The following RGPD2 variants were observed in gnomAD, a reference collection of about 807,000 sequenced individuals.
The protein encoded by RGPD2 is RANBP2-like and GRIP domain-containing protein 2.
A neutral mutation model predicts 36.0 loss-of-function variants in RGPD2; 2 were observed. The observed-to-expected ratio is 0.06, with a 90% confidence interval of 0.02 to 0.17. The LOEUF is 0.17. Among genes scored for constraint, RGPD2 ranks in the 10% least tolerant of loss-of-function variants. The pLI is 1.00. For synonymous variants in RGPD2, 19 were observed against 163.8 expected, an observed-to-expected ratio of 0.12 and a Z score of 6.75; for missense variants, 40 against 464.3, an observed-to-expected ratio of 0.09 and a Z score of 8.40.
the RGPD2 span, among the ~76,000 whole-genome samples, chr2:87,965,091 C>G: frequency 7.0e-6 from 1 of 142,336 alleles, no homozygotes; most frequent in Non-Finnish European, 1.6e-5. Flanking sequence ...TATCTCAAAA[C>G]TTGGCCTTCG....
chr2:87,947,533 C>T, the RGPD2 span, among the ~76,000 whole-genome samples: 78 of 152,250 alleles, frequency 5.1e-4, no homozygotes, highest in Admixed American at 8.5e-4. Context: ...GTGTTTTCTT[C>T]CCCAAGAAAG....
At chr2:87,857,477 G>A in the RGPD2 span, among the ~76,000 whole-genome samples, 1 of 151,314 alleles carries the variant, frequency 6.6e-6, no homozygotes, top group Non-Finnish European at 1.5e-5. Flanking sequence ...TGAGTAGCTG[G>A]GACTACAGGC....
At chr2:87,824,466 G>A (rs1192759030) in intron 1 of RGPD2, among the ~76,000 whole-genome samples, 1 of 151,950 alleles carries the variant, frequency 6.6e-6, no homozygotes, top group Non-Finnish European at 1.5e-5. Flanking sequence ...CAAACTGGGG[G>A]AGAATACTAA....
In RGPD2 at chr2:87,825,758, G is replaced by C. The variant is rs757125406; in HGVS notation, c.-29C>G. 50 of 1,578,790 alleles carry C rather than the reference G, an allele frequency of 3.2e-5. No homozygotes were observed. The highest frequency in any genetic ancestry group is 4.0e-5 in the Non-Finnish European group (47 of 1,162,546). On this transcript the variant is annotated 5_prime_UTR_variant, in exon 1 of 23. Transcript: ENST00000398146. ...ACCGCCAACCTGGCTCCCGAGACGC[G>C]TGAAACCAGCGCTCAGCCCCGCAGC...
chr2:87,951,349 G>A, the RGPD2 span, among the ~76,000 whole-genome samples: 11 of 151,344 alleles, frequency 7.3e-5, no homozygotes, highest in African/African-American at 2.7e-4. Context: ...CTAATTATTA[G>A]AACAAGAAAG....
chr2:87,759,068 G>A (rs1684836984), intron 22 of RGPD2, among the ~76,000 whole-genome samples: 1 of 140,596 alleles, frequency 7.1e-6, no homozygotes, highest in African/African-American at 2.5e-5. Flanking sequence ...CCAGGCTAGA[G>A]TGCAATGGTG....
chr2:87,869,944 T>C, the RGPD2 span, among the ~76,000 whole-genome samples: 2 of 152,280 alleles, frequency 1.3e-5, no homozygotes, highest in East Asian at 1.9e-4. Context: ...TCCCCTCTGA[T>C]TTGTTTCTTT....
chr2:87,864,662 G>A, the RGPD2 span, among the ~76,000 whole-genome samples: 6 of 152,406 alleles, frequency 3.9e-5, no homozygotes, highest in South Asian at 2.1e-4. Context: ...TAGATAGATC[G>A]ATCTTCTCTT....
chr2:87,823,795 C>T (rs1315488072), intron 1 of RGPD2, among the ~76,000 whole-genome samples: 1 of 145,248 alleles, frequency 6.9e-6, no homozygotes, highest in African/African-American at 2.7e-5. Context: ...CCTAAGTACT[C>T]AGGCAACAGA....
rs558555737 is a variant in RGPD2 at position 87,815,111 on chromosome 2, T to C, written c.402+1158A>G. The stretch of plus-strand genomic sequence containing the variant: ...TAGCTCTGTATCTTGACAGTAGTGG[T>C]GGTATGAATCTACACATGATAAAAT... On this transcript the variant is annotated intron_variant, in intron 4 of 22. Transcript: ENST00000398146. 1.3e-4 allele frequency among the ~76,000 whole-genome samples: 19 copies of C among 144,736 alleles called. No homozygotes were observed. In the East Asian group the frequency reaches 3.6e-3, roughly 28 times the overall value. 95.0% of individuals were successfully genotyped at this position (144,736 alleles called of 152,430 possible).
chr2:87,872,341 AT>A, the RGPD2 span, among the ~76,000 whole-genome samples: 15 of 152,288 alleles, frequency 9.8e-5, no homozygotes, highest in Non-Finnish European at 1.8e-4. Context: ...CAAGGGGAAA[AT>A]CACACAAAAG....
At chr2:87,964,778 C>T in the RGPD2 span, among the ~76,000 whole-genome samples, 2 of 129,850 alleles carry the variant, frequency 1.5e-5, no homozygotes, top group East Asian at 5.0e-4. Context: ...GGCCTTAAAG[C>T]ATGACAAAAT....
the RGPD2 span, among the ~76,000 whole-genome samples, chr2:87,845,654 A>T: frequency 6.6e-6 from 1 of 151,226 alleles, no homozygotes; most frequent in Non-Finnish European, 1.5e-5. Flanking sequence ...AGCAAAATAT[A>T]AATCTTAGTT....
the RGPD2 span, among the ~76,000 whole-genome samples, chr2:87,882,837 T>G: frequency 6.6e-6 from 1 of 152,250 alleles, no homozygotes; most frequent in African/African-American, 2.4e-5. Context: ...TATAAATATT[T>G]TTATTGTATT....
chr2:87,843,162 A>G, the RGPD2 span, among the ~76,000 whole-genome samples: 2 of 142,086 alleles, frequency 1.4e-5, no homozygotes, highest in Non-Finnish European at 3.1e-5. Context: ...CAAGGACTTC[A>G]TGTCTAAAAC....
intron 20 of RGPD2, among the ~76,000 whole-genome samples, chr2:87,775,812 TTCA>T (rs1433008358): frequency 3.3e-4 from 12 of 36,418 alleles, no homozygotes; most frequent in African/African-American, 8.6e-4. Flanking sequence ...TTAGCATTAC[TTCA>T]TCAAGAGGAA....
chr2:87,920,209 C>G, the RGPD2 span, among the ~76,000 whole-genome samples: 31 of 152,044 alleles, frequency 2.0e-4, no homozygotes, highest in Admixed American at 9.2e-4. Flanking sequence ...TGCTGCTTCT[C>G]TTTTTTGAAC....
At chr2:87,809,997 CAA>C (rs1408673521) in intron 6 of RGPD2, among the ~76,000 whole-genome samples, 3 of 34,154 alleles carry the variant, frequency 8.8e-5, no homozygotes, top group Admixed American at 7.6e-4. Context: ...GACTCTGTCT[CAA>C]AAAAAAAAAA....
the RGPD2 span, among the ~76,000 whole-genome samples, chr2:87,875,642 G>A: frequency 4.2e-5 from 6 of 142,398 alleles, no homozygotes; most frequent in Non-Finnish European, 7.7e-5. Context: ...TTATATCAAG[G>A]TTCATCAAAT....
Sources: allele counts gnomAD v4.1 joint callset (sites outside exome capture counted in the v4.1 genomes callset), GRCh38; gene constraint gnomAD v4.1.1; transcripts MANE v1.5; gene names NCBI Gene and HGNC (gene_info 2026-07-23, HGNC 2026-07-21).